The following VTI1A variants were observed in gnomAD, a reference collection of about 807,000 sequenced individuals.
VTI1A encodes vesicle transport through interaction with t-SNAREs 1A.
In VTI1A, 22 loss-of-function variants were observed where a neutral mutation model predicts 34.9. The observed-to-expected ratio is 0.63, with a 90% CI of 0.45 to 0.90. The LOEUF is 0.90. Among genes scored for constraint, VTI1A ranks in the 40% least tolerant of loss-of-function variants. VTI1A has a pLI of 0.00. For synonymous variants in VTI1A, 87 were observed against 97.3 expected, an observed-to-expected ratio of 0.89 and a Z score of 0.62; for missense variants, 268 against 275.6, an observed-to-expected ratio of 0.97 and a Z score of 0.20.
intron 7 of VTI1A, chr10:112,736,857 C>A: frequency 2.2e-6 from 2 of 893,284 alleles, no homozygotes; most frequent in Non-Finnish European, 3.6e-6. Flanking sequence ...CTGCCCTGGA[C>A]GGAAAATGAG....
chr10:112,613,372 G>A (rs990689008), intron 5 of VTI1A, among the ~76,000 whole-genome samples: 3 of 152,038 alleles, frequency 2.0e-5, no homozygotes, highest in Non-Finnish European at 2.9e-5. Flanking sequence ...AATATGTTTC[G>A]TTTCCCCCCA....
At chr10:112,830,840 TATA>T in the VTI1A span, among the ~76,000 whole-genome samples, 6 of 51,208 alleles carry the variant, frequency 1.2e-4, no homozygotes, top group Admixed American at 2.6e-4. Context: ...TATATATATA[TATA>T]TATATATTTT....
chr10:112,547,071 G>C (rs1032501527), intron 5 of VTI1A, among the ~76,000 whole-genome samples: 15 of 152,172 alleles, frequency 9.9e-5, no homozygotes, highest in African/African-American at 3.4e-4. Context: ...CTTGAACCCA[G>C]GAGTTGGATA....
intron 5 of VTI1A, among the ~76,000 whole-genome samples, chr10:112,552,940 A>T (rs940125185): frequency 5.3e-5 from 8 of 152,200 alleles, no homozygotes; most frequent in Non-Finnish European, 1.5e-5. Flanking sequence ...ACACTGTAAG[A>T]TTATCAGCAG....
chr10:112,668,359 A>G (rs781724861), intron 6 of VTI1A, 71 bp downstream of exon 6: 8 of 1,471,408 alleles, frequency 5.4e-6, no homozygotes, highest in Non-Finnish European at 7.5e-6. Context: ...ATTGGGACAT[A>G]AACAATAGCA....
chr10:112,485,725 A>G (rs1169886036), intron 3 of VTI1A, among the ~76,000 whole-genome samples: 1 of 152,206 alleles, frequency 6.6e-6, no homozygotes, highest in African/African-American at 2.4e-5. Flanking sequence ...CAACCTCACA[A>G]TTTAACCTTT....
chr10:112,466,791 G>A (rs1847911276), intron 3 of VTI1A, among the ~76,000 whole-genome samples: 1 of 151,738 alleles, frequency 6.6e-6, no homozygotes, highest in South Asian at 2.1e-4. Flanking sequence ...CACAGACTGG[G>A]TGGCTTAAAC....
intron 7 of VTI1A, among the ~76,000 whole-genome samples, chr10:112,725,960 C>T (rs1044413934): frequency 6.6e-5 from 10 of 152,130 alleles, no homozygotes; most frequent in Admixed American, 2.6e-4. Context: ...GGCTCCTGGC[C>T]CAAACCTGGA....
chr10:112,769,375 C>T (rs1045155757), intron 7 of VTI1A, among the ~76,000 whole-genome samples: 2 of 152,122 alleles, frequency 1.3e-5, no homozygotes, highest in Non-Finnish European at 2.9e-5. Context: ...AGGGCTTTGT[C>T]GTTTAATCTG....
intron 7 of VTI1A, among the ~76,000 whole-genome samples, chr10:112,791,525 A>G (rs1452943815): frequency 3.3e-5 from 5 of 152,182 alleles, no homozygotes; most frequent in African/African-American, 1.2e-4. Flanking sequence ...AAATCCCAGA[A>G]AGTGTTGAAA....
At chr10:112,481,874 T>C (rs1848469633) in intron 3 of VTI1A, among the ~76,000 whole-genome samples, 2 of 152,140 alleles carry the variant, frequency 1.3e-5, no homozygotes, top group African/African-American at 4.8e-5. Flanking sequence ...TAGCTGTGCA[T>C]TGGTGTGGGG....
intron 4 of VTI1A, among the ~76,000 whole-genome samples, chr10:112,536,910 A>C (rs1010635115): frequency 6.6e-6 from 1 of 152,060 alleles, no homozygotes; most frequent in Non-Finnish European, 1.5e-5. Context: ...CTTTCTTTGA[A>C]GATGGAAGCG....
intron 7 of VTI1A, among the ~76,000 whole-genome samples, chr10:112,723,875 C>T (rs1849905963): frequency 6.6e-6 from 1 of 152,164 alleles, no homozygotes; most frequent in Non-Finnish European, 1.5e-5. Flanking sequence ...ACATTATGTG[C>T]ATATTACAGG....
intron 7 of VTI1A, among the ~76,000 whole-genome samples, chr10:112,783,412 C>T (rs1852193297): frequency 6.6e-6 from 1 of 151,928 alleles, no homozygotes; most frequent in South Asian, 2.1e-4. Flanking sequence ...CACACACACA[C>T]ACACACACAC....
chr10:112,842,050 C>CTTTTTTTTTTTTTTTTTTTTTTTTT, the VTI1A span, among the ~76,000 whole-genome samples: 1 of 93,166 alleles, frequency 1.1e-5, no homozygotes, highest in Non-Finnish European at 2.1e-5. Flanking sequence ...TTTTTTTTTT[C>CTTTTTTTTTTTTTTTTTTTTTTTTT]CTTTTTTTTT....
intron 7 of VTI1A, among the ~76,000 whole-genome samples, chr10:112,742,803 T>G (rs1392716650): frequency 6.6e-6 from 1 of 152,216 alleles, no homozygotes; most frequent in East Asian, 1.9e-4. Flanking sequence ...ACAGATGTAC[T>G]ACTTCCTTCC....
chr10:112,731,589 A>C (rs1850263867), intron 7 of VTI1A, among the ~76,000 whole-genome samples: 1 of 152,074 alleles, frequency 6.6e-6, no homozygotes, highest in Non-Finnish European at 1.5e-5. Flanking sequence ...AAAAAAAAAA[A>C]AACTGCATAA....
chr10:112,489,516 G>A (rs1848752219), intron 3 of VTI1A, among the ~76,000 whole-genome samples: 1 of 152,180 alleles, frequency 6.6e-6, no homozygotes. Context: ...CATTAAGAAT[G>A]CAAACAATAA....
intron 7 of VTI1A, among the ~76,000 whole-genome samples, chr10:112,738,417 C>G (rs1433096882): frequency 2.6e-5 from 4 of 152,182 alleles, no homozygotes; most frequent in Non-Finnish European, 5.9e-5. Flanking sequence ...ACTTGGCTCT[C>G]CTCTGAGGCT....
Sources: gnomAD v4.1 joint callset for allele counts (sites outside exome capture counted in the v4.1 genomes callset) on GRCh38, gnomAD v4.1.1 for gene constraint, MANE v1.5 for transcripts, NCBI Gene and HGNC (gene_info 2026-07-23, HGNC 2026-07-21) for gene names.